PDE11A: variants seen among roughly 807,000 people sequenced by gnomAD.
PDE11A encodes phosphodiesterase 11A.
In PDE11A, 100 loss-of-function variants were observed where a neutral mutation model predicts 100.5. The ratio of observed to expected loss-of-function variants is 1.00; its 90% CI spans 0.85 to 1.18. The LOEUF is 1.18. Among genes scored for constraint, PDE11A ranks in the 50% most tolerant of loss-of-function variants. The pLI is 0.00. For missense variants in PDE11A, 1,141 were observed against 1,152.6 expected, an observed-to-expected ratio of 0.99 and a Z score of 0.15; for synonymous variants, 381 against 420.8, an observed-to-expected ratio of 0.91 and a Z score of 1.16.
intron 1 of PDE11A, among the ~76,000 whole-genome samples, chr2:178,019,291 C>A (rs1192932358): frequency 6.6e-6 from 1 of 152,098 alleles, no homozygotes; most frequent in African/African-American, 2.4e-5. Flanking sequence ...TAGAGAAGTT[C>A]CGTTTAGGGA....
At chr2:177,860,257 T>A (rs2083923385) in intron 5 of PDE11A, among the ~76,000 whole-genome samples, 1 of 150,736 alleles carries the variant, frequency 6.6e-6, no homozygotes, top group South Asian at 2.1e-4. Context: ...ATCACTAAGA[T>A]AAGAAACGAA....
chr2:177,844,176 C>A (rs956606512), intron 5 of PDE11A, among the ~76,000 whole-genome samples: 2 of 152,138 alleles, frequency 1.3e-5, no homozygotes, highest in African/African-American at 4.8e-5. Flanking sequence ...GACTTATAAA[C>A]AACAAATATT....
At chr2:177,963,212 A>C (rs2085657227) in intron 2 of PDE11A, among the ~76,000 whole-genome samples, 1 of 152,204 alleles carries the variant, frequency 6.6e-6, no homozygotes, top group Non-Finnish European at 1.5e-5. Flanking sequence ...AAAGGTTCCT[A>C]CTCAGACAAT....
intron 6 of PDE11A, among the ~76,000 whole-genome samples, chr2:177,834,006 G>A: frequency 6.6e-6 from 1 of 152,222 alleles, no homozygotes; most frequent in East Asian, 1.9e-4. Flanking sequence ...CAGAGGAGGA[G>A]CCTGGCCTCT....
At chr2:177,938,719 G>A (rs60755093) in intron 2 of PDE11A, among the ~76,000 whole-genome samples, 13,160 of 152,170 alleles carry the variant, frequency 0.086, 540 homozygotes, top group South Asian at 0.1. Flanking sequence ...AGGAATAAAG[G>A]GTGTTTGGTA....
chr2:177,875,146 C>G (rs937317957), intron 5 of PDE11A, among the ~76,000 whole-genome samples: 2 of 151,914 alleles, frequency 1.3e-5, no homozygotes, highest in African/African-American at 4.8e-5. Context: ...ATCGTTTGAA[C>G]CTGGGAGGCA....
chr2:178,003,531 A>G (rs933175105), intron 2 of PDE11A, among the ~76,000 whole-genome samples: 1 of 152,094 alleles, frequency 6.6e-6, no homozygotes, highest in African/African-American at 2.4e-5. Flanking sequence ...GTAGACTGGT[A>G]GACTAGAAGG....
intron 10 of PDE11A, among the ~76,000 whole-genome samples, chr2:177,740,896 G>A (rs1462787700): frequency 1.3e-5 from 2 of 152,152 alleles, no homozygotes; most frequent in South Asian, 4.1e-4. Flanking sequence ...TGGGTTGGTG[G>A]GATGCCAAGT....
intron 1 of PDE11A, among the ~76,000 whole-genome samples, chr2:178,030,131 A>T (rs1365912254): frequency 6.6e-6 from 1 of 152,222 alleles, no homozygotes; most frequent in Admixed American, 6.5e-5. Flanking sequence ...AGAATAACAT[A>T]TGAAAATCTC....
intron 19 of PDE11A, among the ~76,000 whole-genome samples, chr2:177,631,812 G>T (rs769979226): frequency 3.3e-5 from 5 of 151,630 alleles, no homozygotes; most frequent in Non-Finnish European, 5.9e-5. Context: ...ATCCCACGTG[G>T]ATGAGGGGGA....
At chr2:177,980,024 C>G (rs1482765830) in intron 2 of PDE11A, among the ~76,000 whole-genome samples, 1 of 150,584 alleles carries the variant, frequency 6.6e-6, no homozygotes, top group Non-Finnish European at 1.5e-5. Flanking sequence ...TTTAATCTCT[C>G]TGAAGCAGTT....
intron 1 of PDE11A, chr2:178,018,154 C>CGTATCATTAAAAAA: frequency 7.5e-5 from 22 of 293,032 alleles, no homozygotes; most frequent in South Asian, 2.6e-4. Context: ...GCCACCCAGC[C>CGTATCATTAAAAAA]GCCATTCTGT....
chr2:177,642,081 C>T (rs1296496466), intron 19 of PDE11A, among the ~76,000 whole-genome samples: 1 of 152,146 alleles, frequency 6.6e-6, no homozygotes, highest in Non-Finnish European at 1.5e-5. Flanking sequence ...GTAATGCTGG[C>T]ATGTGAGTTT....
chr2:177,767,892 A>C (rs1343250859), intron 10 of PDE11A, among the ~76,000 whole-genome samples: 2 of 152,148 alleles, frequency 1.3e-5, no homozygotes, highest in Non-Finnish European at 2.9e-5. Context: ...ATGGAGCTTG[A>C]GTTCAAGCTG....
intron 18 of PDE11A, among the ~76,000 whole-genome samples, chr2:177,667,301 T>C (rs2080604019): frequency 6.6e-6 from 1 of 152,192 alleles, no homozygotes; most frequent in African/African-American, 2.4e-5. Flanking sequence ...GTGCTTTTGG[T>C]TTCATATTTA....
intron 2 of PDE11A, among the ~76,000 whole-genome samples, chr2:177,981,854 T>A (rs2085885960): frequency 6.6e-6 from 1 of 150,806 alleles, no homozygotes; most frequent in Non-Finnish European, 1.5e-5. Context: ...AAGGAAGGAG[T>A]ACTCAGTCTT....
intron 10 of PDE11A, among the ~76,000 whole-genome samples, chr2:177,744,876 C>A (rs2105469609): frequency 6.6e-6 from 1 of 152,316 alleles, no homozygotes; most frequent in South Asian, 2.1e-4. Context: ...TGTTTTATTC[C>A]TTCTGCCATA....
chr2:177,823,008 G>A (rs1469550683), intron 6 of PDE11A, among the ~76,000 whole-genome samples: 3 of 151,924 alleles, frequency 2.0e-5, no homozygotes, highest in Non-Finnish European at 2.9e-5. Context: ...ACATGATCAC[G>A]TCATCTTATC....
intron 2 of PDE11A, among the ~76,000 whole-genome samples, chr2:177,985,646 C>T (rs1476610317): frequency 6.6e-6 from 1 of 152,344 alleles, no homozygotes; most frequent in South Asian, 2.1e-4. Flanking sequence ...TTAAGAAACA[C>T]TATTTTCATC....
Sources: gnomAD v4.1 joint callset for allele counts (sites outside exome capture counted in the v4.1 genomes callset) on GRCh38, gnomAD v4.1.1 for gene constraint, MANE v1.5 for transcripts, NCBI Gene and HGNC (gene_info 2026-07-23, HGNC 2026-07-21) for gene names.